The following WTAP variants were observed in gnomAD, a reference collection of about 807,000 sequenced individuals.
WTAP encodes pre-mRNA-splicing regulator WTAP.
WTAP carries 8 observed loss-of-function variants against 50.0 expected under a neutral mutation model. That is an observed-to-expected ratio of 0.16 (90% CI 0.09 to 0.29). The LOEUF is 0.29. Among genes scored for constraint, WTAP ranks in the 10% least tolerant of loss-of-function variants. The pLI is 1.00. For missense variants in WTAP, 295 were observed against 470.7 expected (o/e 0.63, Z 3.45); for synonymous variants, 194 against 169.0 (o/e 1.15, Z -1.15).
intron 1 of WTAP, among the ~76,000 whole-genome samples, chr6:159,731,819 C>T (rs1778588059): frequency 6.6e-6 from 1 of 152,182 alleles, no homozygotes; most frequent in African/African-American, 2.4e-5. Flanking sequence ...GCAAAGTTGA[C>T]AACCTGTTTC....
chr6:159,737,987 G>A (rs1053899439), intron 2 of WTAP, among the ~76,000 whole-genome samples: 1 of 152,356 alleles, frequency 6.6e-6, no homozygotes, highest in Non-Finnish European at 1.5e-5. Flanking sequence ...CACTGAGCCT[G>A]CTTCATTGTT....
At chr6:159,744,275 C>G (rs183772988) in intron 5 of WTAP, among the ~76,000 whole-genome samples, 482 of 152,230 alleles carry the variant, frequency 3.2e-3, no homozygotes, top group Non-Finnish European at 5.8e-3. Context: ...ACTATGTCTA[C>G]GTAGATCTGA....
chr6:159,743,265 T>C (rs1257354454), intron 4 of WTAP, among the ~76,000 whole-genome samples: 2 of 152,238 alleles, frequency 1.3e-5, no homozygotes. Context: ...TAGGCTGGTC[T>C]GAAACTCCTG....
chr6:159,745,693 G>A (rs1779534038), intron 5 of WTAP, among the ~76,000 whole-genome samples: 1 of 152,180 alleles, frequency 6.6e-6, no homozygotes, highest in Admixed American at 6.5e-5. Flanking sequence ...AGAGATGTAT[G>A]TGATGGATCA....
Position 159,738,962 on chromosome 6 carries a change from T to A in WTAP, c.31-28T>A, listed in dbSNP as rs748172665. The A allele has an allele frequency of 5.7e-6, 9 of 1,577,758 alleles. No individual in the cohort carries two copies. In the South Asian group the frequency reaches 7.8e-5, roughly 14 times the overall value. ...AACTTTGTGTCTTCAGGAAGAACAC[T>A]AAATTCATATTGTAATTCTCTTTAT... On this transcript the variant is annotated intron_variant, in intron 2 of 7. Transcript: ENST00000621533.
intron 4 of WTAP, among the ~76,000 whole-genome samples, chr6:159,743,432 G>C (rs1360933740): frequency 1.3e-5 from 2 of 152,168 alleles, no homozygotes; most frequent in East Asian, 1.9e-4. Context: ...TCTTCTGTTG[G>C]GAGTAGATGA....
chr6:159,736,445 T>C, intron 2 of WTAP, 150 bp downstream of exon 2: 1 of 633,672 alleles, frequency 1.6e-6, no homozygotes, highest in Non-Finnish European at 2.8e-6. Flanking sequence ...GCATTGGAGT[T>C]GTACAGTGTG....
chr6:159,729,383 A>C (rs1381787357), intron 1 of WTAP, among the ~76,000 whole-genome samples: 1 of 152,246 alleles, frequency 6.6e-6, no homozygotes, highest in Non-Finnish European at 1.5e-5. Flanking sequence ...AGCTTAACAC[A>C]GAAAAACTTT....
At chr6:159,751,306 A>G (rs375952671) in intron 6 of WTAP, among the ~76,000 whole-genome samples, 2 of 152,192 alleles carry the variant, frequency 1.3e-5, no homozygotes, top group Admixed American at 6.5e-5. Context: ...ACATTTTTAT[A>G]TGGGGTTAAG....
chr6:159,728,514 A>G (rs1434036280), intron 1 of WTAP, among the ~76,000 whole-genome samples: 2 of 152,222 alleles, frequency 1.3e-5, no homozygotes, highest in Admixed American at 1.3e-4. Context: ...TATTTTATCT[A>G]GTTTTAGTTA....
intron 1 of WTAP, among the ~76,000 whole-genome samples, chr6:159,734,392 A>T (rs1217126442): frequency 6.8e-6 from 1 of 147,872 alleles, no homozygotes; most frequent in Non-Finnish European, 1.5e-5. Context: ...AAAAAAAAAA[A>T]TTCAGTTTAA....
intron 3 of WTAP, among the ~76,000 whole-genome samples, chr6:159,740,976 A>G (rs1779223845): frequency 6.6e-6 from 1 of 152,200 alleles, no homozygotes; most frequent in South Asian, 2.1e-4. Context: ...TGCTGGGATT[A>G]CAGGCACGAG....
intron 5 of WTAP, among the ~76,000 whole-genome samples, chr6:159,747,020 A>G (rs899393377): frequency 6.6e-6 from 1 of 152,190 alleles, no homozygotes. Flanking sequence ...CACATTGACT[A>G]TGCAGTTGTA....
chr6:159,728,305 C>G (rs1437665303), intron 1 of WTAP, among the ~76,000 whole-genome samples: 5 of 151,874 alleles, frequency 3.3e-5, no homozygotes, highest in African/African-American at 9.7e-5. Flanking sequence ...TCTGTGTACA[C>G]GTAATGGAAA....
chr6:159,739,554 T>G lies in WTAP; in HGVS notation c.86+509T>G, dbSNP rs1346070766. 2.0e-5 allele frequency among the ~76,000 whole-genome samples: 3 copies of G among 152,250 alleles called. No homozygotes were observed. In the East Asian group the frequency reaches 5.8e-4, roughly 29 times the overall value. On this transcript the variant is annotated intron_variant, in intron 3 of 7. Transcript: ENST00000621533. ...CAAAAGCAGATTGTCAAGTACAACG[T>G]ATAATCTTTTTAGATTGTGTAAGAA... is the stretch of plus-strand genomic sequence containing the variant.
In WTAP at chr6:159,755,157, C is replaced by T; in HGVS notation, c.737C>T (p.Ala246Val). ...LAQYQQQQSQASAPSTSRTTA... is the reference protein window; with the variant it reads ...LAQYQQQQSQVSAPSTSRTTA... ...CAGTACCAGCAGCAGCAGTCTCAGG[C>T]CTCTGCCCCAAGTACCAGCAGGACT... is the stretch of plus-strand genomic sequence containing the variant. Residue 246 changes from alanine to valine, a missense_variant, in exon 8 of 8, where the codon GCC becomes GTC. Transcript: ENST00000621533. 6.2e-7 allele frequency: 1 copy of T among 1,614,136 alleles called. No homozygotes were observed. Among genetic ancestry groups the T allele is most frequent in the Non-Finnish European group, 8.5e-7 (1 of 1,180,022 alleles).
intron 1 of WTAP, among the ~76,000 whole-genome samples, chr6:159,734,814 A>G (rs1369281941): frequency 2.0e-5 from 3 of 152,130 alleles, no homozygotes; most frequent in African/African-American, 7.2e-5. Context: ...TAAAGATTTT[A>G]TGTTTGTCAG....
chr6:159,750,856 A>G (rs554424516), intron 6 of WTAP, among the ~76,000 whole-genome samples: 1 of 152,378 alleles, frequency 6.6e-6, no homozygotes, highest in Admixed American at 6.5e-5. Context: ...CGTCTGGAAT[A>G]TTTCCAGTGG....
intron 1 of WTAP, among the ~76,000 whole-genome samples, chr6:159,728,238 T>C (rs754311279): frequency 7.2e-5 from 11 of 152,258 alleles, no homozygotes; most frequent in Non-Finnish European, 1.5e-4. Flanking sequence ...AATCCAAGTC[T>C]TACCTTGGAT....
Sources: allele counts gnomAD v4.1 joint callset (sites outside exome capture counted in the v4.1 genomes callset), GRCh38; gene constraint gnomAD v4.1.1; transcripts MANE v1.5; gene names NCBI Gene and HGNC (gene_info 2026-07-23, HGNC 2026-07-21).